Variants in MINDY2 observed in about 807,000 individuals in gnomAD.
The protein encoded by MINDY2 is ubiquitin carboxyl-terminal hydrolase MINDY-2.
In MINDY2, 52 loss-of-function variants were observed where a neutral mutation model predicts 68.2. The observed-to-expected ratio is 0.76, with a 90% CI of 0.61 to 0.96. The LOEUF (loss-of-function observed/expected upper bound fraction) is 0.96. Among genes scored for constraint, MINDY2 ranks in the 40% least tolerant of loss-of-function variants. The probability of loss-of-function intolerance (pLI) is 0.00; values close to 1 mark genes in which losing one functional copy is unlikely to be tolerated. For synonymous variants in MINDY2, 372 were observed against 303.0 expected (o/e 1.23, Z -2.36); for missense variants, 881 against 773.4 (o/e 1.14, Z -1.65).
intron 5 of MINDY2, among the ~76,000 whole-genome samples, chr15:58,825,524 C>A (rs1028818718): frequency 7.2e-5 from 11 of 152,202 alleles, no homozygotes; most frequent in African/African-American, 2.7e-4. Context: ...CCAGACTTCA[C>A]CATAGCTATT....
In MINDY2 at chr15:58,772,240, A is replaced by G; in HGVS notation, c.840+5A>G. 1 of 1,608,898 alleles carries G rather than the reference A, an allele frequency of 6.2e-7. No homozygotes were observed. The highest frequency in any genetic ancestry group is 2.2e-5 in the East Asian group (1 of 44,900). ...GTTTTGCTCCTGGCCTGGAAGGTAC[A>G]TTCTGCAGCTTTCTACTTCCTACAG... On this transcript the variant is annotated splice_donor_5th_base_variant and intron_variant, in intron 1 of 8. Coordinates refer to ENST00000559228, the MANE Select transcript of MINDY2 (RefSeq NM_001040450.3).
intron 5 of MINDY2, among the ~76,000 whole-genome samples, chr15:58,824,176 A>T (rs1334779205): frequency 6.6e-6 from 1 of 152,226 alleles, no homozygotes; most frequent in Non-Finnish European, 1.5e-5. Flanking sequence ...TAGTACTATA[A>T]TAATTAACAA....
At chr15:58,847,603 A>G in intron 7 of MINDY2, 133 bp downstream of exon 7, 1 of 651,534 alleles carries the variant, frequency 1.5e-6, no homozygotes, top group South Asian at 2.8e-5. Flanking sequence ...CACTTCCTGA[A>G]TAGTTGGTGA....
chr15:58,818,821 T>G (rs1317827562), intron 4 of MINDY2, among the ~76,000 whole-genome samples: 1 of 151,196 alleles, frequency 6.6e-6, no homozygotes, highest in Non-Finnish European at 1.5e-5. Flanking sequence ...TTGTATTTTT[T>G]GTAGAGATGG....
intron 2 of MINDY2, among the ~76,000 whole-genome samples, chr15:58,799,967 G>A (rs1003667362): frequency 6.6e-6 from 1 of 152,160 alleles, no homozygotes; most frequent in Non-Finnish European, 1.5e-5. Context: ...TGGCGGGGGC[G>A]CATAGTTAAG....
rs2033189042 is a variant in MINDY2, at chr15:58,860,525, G to A, written c.*5915G>A. Reference sequence around the variant, plus strand: ...GAAGGCAGAGGTTGCAGTGAGCCAAGATTGCCCCACTGCACTCCAGCCTGG... The same window carrying A: ...GAAGGCAGAGGTTGCAGTGAGCCAAAATTGCCCCACTGCACTCCAGCCTGG... On this transcript the variant is annotated 3_prime_UTR_variant, in exon 9 of 9. Transcript: ENST00000559228. 1 of 146,736 alleles carries A rather than the reference G, an allele frequency of 6.8e-6. No individual in the cohort carries two copies. The highest frequency in any genetic ancestry group is 2.6e-5 in the African/African-American group (1 of 39,064). The allele number at this position is 146,736 out of a possible 1,614,324, so 9.1% of individuals were successfully genotyped here.
chr15:58,787,036 G>A (rs771715909), intron 1 of MINDY2, among the ~76,000 whole-genome samples: 7 of 151,978 alleles, frequency 4.6e-5, no homozygotes, highest in Non-Finnish European at 7.4e-5. Flanking sequence ...CACCATGTTG[G>A]CTAGGCTGGT....
intron 4 of MINDY2, among the ~76,000 whole-genome samples, chr15:58,819,112 G>A (rs934546341): frequency 1.3e-5 from 2 of 152,054 alleles, no homozygotes; most frequent in Non-Finnish European, 2.9e-5. Flanking sequence ...GAATAGCTGG[G>A]ACTATGGACG....
chr15:58,792,520 C>G lies in MINDY2; in HGVS notation c.898+4557C>G, dbSNP rs562711202. Among the ~76,000 whole-genome samples, 3 of 152,274 alleles carry G rather than the reference C, an allele frequency of 2.0e-5. No homozygotes were observed. The South Asian group carries it at 6.2e-4, about 32-fold the overall frequency. ...ACTCGGGAGGATGAGGCAGAAGAAT[C>G]GCTTGAACCCGGGAGGCGGACGTTG... On this transcript the variant is annotated intron_variant, in intron 2 of 8. Transcript: ENST00000559228.
At chr15:58,787,723 C>G (rs1433340041) in intron 1 of MINDY2, among the ~76,000 whole-genome samples, 183 bp from the exon 2 acceptor site, 3 of 122,082 alleles carry the variant, frequency 2.5e-5, no homozygotes, top group African/African-American at 3.3e-5. Flanking sequence ...GGCAACAGAG[C>G]GAGAGTCCGT....
At chr15:58,831,015 TTGTG>T (rs369645565) in intron 5 of MINDY2, among the ~76,000 whole-genome samples, 40 of 133,760 alleles carry the variant, frequency 3.0e-4, no homozygotes, top group South Asian at 9.3e-4. Context: ...TGAAGATCAG[TTGTG>T]TGTGTGTGTG....
At chr15:58,783,924 C>G (rs568727465) in intron 1 of MINDY2, among the ~76,000 whole-genome samples, 1 of 151,462 alleles carries the variant, frequency 6.6e-6, no homozygotes, top group Admixed American at 6.6e-5. Context: ...CCAGCCTGGA[C>G]GATAGAATAA....
chr15:58,778,516 G>C (rs1207800545), intron 1 of MINDY2, among the ~76,000 whole-genome samples: 1 of 150,090 alleles, frequency 6.7e-6, no homozygotes, highest in East Asian at 1.9e-4. Context: ...ATAAAAAAAA[G>C]CTTAAAAAAA....
intron 6 of MINDY2, among the ~76,000 whole-genome samples, chr15:58,843,975 TACAC>T (rs1408765172): frequency 6.6e-6 from 1 of 151,550 alleles, no homozygotes; most frequent in Non-Finnish European, 1.5e-5. Flanking sequence ...TTTGAACTAA[TACAC>T]AATTAAGAAT....
rs201749025 is a variant in MINDY2, at chr15:58,802,264, A to C, written c.899-49A>C. 10 of 1,259,530 alleles carry C rather than the reference A, an allele frequency of 7.9e-6. No individual in the cohort carries two copies. In the African/African-American group the frequency reaches 1.4e-4, roughly 17 times the overall value. 78.0% of individuals were successfully genotyped at this position (1,259,530 alleles called of 1,614,324 possible). A position where few individuals can be genotyped will look rare whatever the true frequency, so the allele number is the denominator to read the frequency against. On this transcript the variant is annotated intron_variant, in intron 2 of 8. Transcript: ENST00000559228. ...AGATCTATTACTTTTGTAATCAGAA[A>C]AACAAGTTTTTAAAAGGCAATTTTA...
At chr15:58,797,179 A>C (rs1010696816) in intron 2 of MINDY2, among the ~76,000 whole-genome samples, 10 of 152,176 alleles carry the variant, frequency 6.6e-5, no homozygotes, top group Non-Finnish European at 1.3e-4. Context: ...GATTGTTGAA[A>C]TGTTCATGTA....
At chr15:58,833,433 T>C (rs1240255790) in intron 6 of MINDY2, among the ~76,000 whole-genome samples, 1 of 151,922 alleles carries the variant, frequency 6.6e-6, no homozygotes, top group African/African-American at 2.4e-5. Context: ...AGACAAAGTA[T>C]AGAGAAAGAA....
In MINDY2 at chr15:58,857,996, CAT is replaced by C. The variant is rs1273180199; in HGVS notation, c.*3389_*3390del. On this transcript the variant is annotated 3_prime_UTR_variant, in exon 9 of 9. Transcript: ENST00000559228. ...ATGATCAACACTTAAAAGTACTTTA[CAT>C]ATGTGTGTTTCTGAAGCAAGTTTTC... 3 of 152,310 alleles carry C rather than the reference CAT, an allele frequency of 2.0e-5. No homozygotes were observed. Among genetic ancestry groups the C allele is most frequent in the African/African-American group, 7.2e-5 (3 of 41,574 alleles). The allele number at this position is 152,310 out of a possible 1,614,324, so 9.4% of individuals were successfully genotyped here.
intron 6 of MINDY2, among the ~76,000 whole-genome samples, chr15:58,838,316 T>G (rs2032103731): frequency 1.3e-5 from 2 of 151,836 alleles, no homozygotes; most frequent in Non-Finnish European, 2.9e-5. Context: ...GAGAATCGCT[T>G]GAATCCAGGA....
Sources: gnomAD v4.1 joint callset for allele counts (sites outside exome capture counted in the v4.1 genomes callset) on GRCh38, gnomAD v4.1.1 for gene constraint, MANE v1.5 for transcripts, NCBI Gene and HGNC (gene_info 2026-07-23, HGNC 2026-07-21) for gene names.